Variants in WDPCP observed in about 807,000 individuals in gnomAD.
WDPCP encodes WD repeat-containing and planar cell polarity effector protein fritz homolog.
Under a neutral mutation model 93.1 loss-of-function variants are expected in WDPCP, and 71 were observed. That is an observed-to-expected ratio of 0.76 (90% CI 0.63 to 0.93). WDPCP has a LOEUF of 0.93. Among genes scored for constraint, WDPCP ranks in the 40% least tolerant of loss-of-function variants. WDPCP has a pLI of 0.00. For synonymous variants in WDPCP, 315 were observed against 315.0 expected, an observed-to-expected ratio of 1.00 and a Z score of 0.00; for missense variants, 844 against 887.4, an observed-to-expected ratio of 0.95 and a Z score of 0.62.
At chr2:63,475,776 T>C (rs1399729895) in intron 6 of WDPCP, among the ~76,000 whole-genome samples, 2 of 152,118 alleles carry the variant, frequency 1.3e-5, no homozygotes, top group Non-Finnish European at 2.9e-5. Context: ...TTGATCTTTA[T>C]GTTTCTTCTG....
chr2:63,395,402 A>C (rs2105074438), intron 10 of WDPCP, among the ~76,000 whole-genome samples: 1 of 152,162 alleles, frequency 6.6e-6, no homozygotes, highest in East Asian at 1.9e-4. Flanking sequence ...CACCTTTTGG[A>C]GTCTCCAGTG....
In WDPCP at chr2:63,313,888, T is replaced by A. The variant is rs755383351; in HGVS notation, c.1749-577A>T. 7.6e-3 allele frequency among the ~76,000 whole-genome samples: 38 copies of A among 4,986 alleles called. No individual in the cohort carries two copies. In the East Asian group the frequency reaches 0.18, roughly 23 times the overall value. The allele number at this position is 4,986 out of a possible 152,430, so 3.3% of individuals were successfully genotyped here. On this transcript the variant is annotated intron_variant, in intron 12 of 17. Coordinates refer to ENST00000272321, the MANE Select transcript of WDPCP (RefSeq NM_015910.7). ...TATATATATATATATATATATATATTTTTTTTTTTTTGGAGATGGAGTCTC... is the reference window on the plus strand; with the variant it reads ...TATATATATATATATATATATATATATTTTTTTTTTTGGAGATGGAGTCTC...
chr2:63,176,678 C>A (rs1673834833), intron 14 of WDPCP, among the ~76,000 whole-genome samples: 1 of 152,164 alleles, frequency 6.6e-6, no homozygotes, highest in Admixed American at 6.5e-5. Context: ...TATTTTCTCC[C>A]ATTCCTTAGG....
intron 1 of WDPCP, among the ~76,000 whole-genome samples, chr2:63,540,290 G>A (rs1704610314): frequency 6.6e-6 from 1 of 152,026 alleles, no homozygotes; most frequent in Non-Finnish European, 1.5e-5. Context: ...TAAACAATTA[G>A]TGCAAACACA....
At chr2:63,381,445 T>C (rs1055565360) in intron 11 of WDPCP, among the ~76,000 whole-genome samples, 2 of 152,038 alleles carry the variant, frequency 1.3e-5, no homozygotes, top group Admixed American at 6.6e-5. Flanking sequence ...TGGGCTACAA[T>C]TCAGATATAC....
intron 1 of WDPCP, among the ~76,000 whole-genome samples, chr2:63,508,427 T>C (rs767490497): frequency 1.3e-5 from 2 of 152,110 alleles, no homozygotes; most frequent in Admixed American, 6.5e-5. Flanking sequence ...CAAGAGCTCC[T>C]GAAGGAAGCA....
chr2:63,202,932 A>G (rs982982988), intron 14 of WDPCP, among the ~76,000 whole-genome samples: 1 of 152,022 alleles, frequency 6.6e-6, no homozygotes, highest in African/African-American at 2.4e-5. Context: ...TGAACTTTTT[A>G]TAAGTGAGTT....
intron 10 of WDPCP, among the ~76,000 whole-genome samples, chr2:63,384,182 A>T (rs923323288): frequency 1.3e-5 from 2 of 152,148 alleles, no homozygotes; most frequent in Non-Finnish European, 2.9e-5. Flanking sequence ...AAAGACAGTA[A>T]ATAGTAAATA....
At chr2:63,437,294 C>A in intron 8 of WDPCP, 127 bp downstream of exon 8, 1 of 805,546 alleles carries the variant, frequency 1.2e-6, no homozygotes, top group Non-Finnish European at 1.9e-6. Flanking sequence ...TAAGCTTAAT[C>A]CTGTAATATT....
chr2:63,552,182 AT>A (rs1235321336), intron 1 of WDPCP, among the ~76,000 whole-genome samples: 8 of 149,976 alleles, frequency 5.3e-5, no homozygotes, highest in African/African-American at 2.0e-4. Flanking sequence ...GTGAAAAGTT[AT>A]TTCACTAGTA....
chr2:63,439,861 C>A lies in WDPCP; in HGVS notation c.395G>T (p.Gly132Val). The change falls in exon 7 of 18, where the codon GGT (glycine) becomes GTT (valine). Residue 132 changes from glycine (G) to valine (V), a missense_variant. By Grantham distance (109) the Gly-to-Val change is moderately radical. Transcript: ENST00000272321. ...KNKYVCQLLF[G>V]SGVLVSLSLS... The stretch of plus-strand genomic sequence containing the variant: ...GCTTAGAGACACCAGCACACCTGAA[C>A]CAAAAAGGAGCTAAAACCAGGTAAG... The A allele has an allele frequency of 3.7e-6, 6 of 1,612,872 alleles. No individual in the cohort carries two copies. The highest frequency in any genetic ancestry group is 5.1e-6 in the Non-Finnish European group (6 of 1,179,260).
At chr2:63,720,236 C>G (rs957682570) in intron 2 of WDPCP, among the ~76,000 whole-genome samples, 1 of 151,672 alleles carries the variant, frequency 6.6e-6, no homozygotes, top group Non-Finnish European at 1.5e-5. Flanking sequence ...GGGTACATGG[C>G]GAAACCCCAT....
chr2:63,450,391 C>A (rs532324502), intron 6 of WDPCP, among the ~76,000 whole-genome samples: 1 of 152,168 alleles, frequency 6.6e-6, no homozygotes, highest in East Asian at 1.9e-4. Context: ...CAGTATGCAC[C>A]ACCCAGGACC....
At chr2:63,376,587 T>C (rs1415614009) in intron 12 of WDPCP, among the ~76,000 whole-genome samples, 2 of 151,896 alleles carry the variant, frequency 1.3e-5, no homozygotes, top group African/African-American at 4.8e-5. Context: ...TTTCACCTTT[T>C]TGGGCTCTTT....
intron 12 of WDPCP, among the ~76,000 whole-genome samples, chr2:63,359,008 C>T (rs754154872): frequency 6.6e-6 from 1 of 152,006 alleles, no homozygotes; most frequent in African/African-American, 2.4e-5. Flanking sequence ...CTTACTTATC[C>T]GCTTTCTTAT....
At chr2:63,666,255 C>G (rs185215957) in intron 2 of WDPCP, among the ~76,000 whole-genome samples, 1 of 152,182 alleles carries the variant, frequency 6.6e-6, no homozygotes, top group Non-Finnish European at 1.5e-5. Context: ...CCTGGAGATA[C>G]TCTTCTGAAA....
intron 12 of WDPCP, among the ~76,000 whole-genome samples, chr2:63,362,936 G>A (rs2104683499): frequency 6.6e-6 from 1 of 152,080 alleles, no homozygotes; most frequent in East Asian, 1.9e-4. Context: ...TATAGTTCAA[G>A]TACAATTTTA....
At position 63,404,492 on chromosome 2, in the gene WDPCP, C is replaced by A. The variant is rs376497851; in HGVS notation, c.991G>T (p.Val331Phe). 11 of 1,614,036 alleles carry A rather than the reference C, an allele frequency of 6.8e-6. No homozygotes were observed. The highest frequency in any genetic ancestry group is 9.3e-6 in the Non-Finnish European group (11 of 1,179,956). The change falls in exon 10 of 18, where the codon GTC (valine) becomes TTC (phenylalanine). Residue 331 changes from valine (V) to phenylalanine (F), a missense_variant. Physicochemically the swap from Val to Phe is conservative, Grantham distance 50. Coordinates refer to ENST00000272321, the MANE Select transcript of WDPCP (RefSeq NM_015910.7). ...CIRNKIQCVS[V>F]TRIPLKSKAI... ...TTTGACTTTAGTGGTATTCTGGTGACTGACACACACTGGATTTTATTCCGA... is the reference window on the plus strand; with the variant it reads ...TTTGACTTTAGTGGTATTCTGGTGAATGACACACACTGGATTTTATTCCGA...
intron 9 of WDPCP, among the ~76,000 whole-genome samples, chr2:63,419,903 G>A (rs1575383374): frequency 6.6e-6 from 1 of 151,934 alleles, no homozygotes; most frequent in South Asian, 2.1e-4. Flanking sequence ...TTAATGTTTC[G>A]ATTATTTTTT....
Sources: allele counts gnomAD v4.1 joint callset (sites outside exome capture counted in the v4.1 genomes callset), GRCh38; gene constraint gnomAD v4.1.1; transcripts MANE v1.5; gene names NCBI Gene and HGNC (gene_info 2026-07-23, HGNC 2026-07-21).